Variants in INVS observed in about 807,000 individuals in gnomAD.
INVS encodes the protein inversion of embryo turning homolog.
A neutral mutation model predicts 108.8 loss-of-function variants in INVS; 86 were observed. The observed-to-expected ratio is 0.79, with a 90% CI of 0.66 to 0.95. The LOEUF (loss-of-function observed/expected upper bound fraction) is 0.95, where lower values mean the gene tolerates loss of function less well. INVS is among the 40% of genes least tolerant of loss of function. INVS has a pLI of 0.00. For synonymous variants in INVS, 455 were observed against 473.5 expected (o/e 0.96, Z 0.51); for missense variants, 1,169 against 1,297.4 (o/e 0.90, Z 1.52).
chr9:100,113,261 GTTA>G (rs34439340), intron 2 of INVS, among the ~76,000 whole-genome samples: 70,373 of 151,728 alleles, frequency 0.46, 17,591 homozygotes, highest in East Asian at 0.9. Context: ...AAGGGCTTCT[GTTA>G]TTATATGTGT....
intron 10 of INVS, among the ~76,000 whole-genome samples, chr9:100,258,198 C>T (rs1244985731): frequency 6.6e-6 from 1 of 152,150 alleles, no homozygotes; most frequent in African/African-American, 2.4e-5. Context: ...ATCGAATTGG[C>T]TACTGAAGCT....
intron 2 of INVS, among the ~76,000 whole-genome samples, chr9:100,112,170 C>T (rs1057328686): frequency 6.6e-6 from 1 of 152,102 alleles, no homozygotes; most frequent in African/African-American, 2.4e-5. Context: ...CAGGGTTTTG[C>T]TATGTTGGCC....
intron 5 of INVS, among the ~76,000 whole-genome samples, chr9:100,238,790 G>T (rs1831772477): frequency 6.6e-6 from 1 of 152,066 alleles, no homozygotes; most frequent in South Asian, 2.1e-4. Context: ...GTTCTATTTG[G>T]TTCTTTTTCA....
In INVS at chr9:100,191,484, G is replaced by A. The variant is rs561935039; in HGVS notation, c.274-34578G>A. 1.6e-4 allele frequency among the ~76,000 whole-genome samples: 25 copies of A among 152,216 alleles called. 1 individual carries two copies. In the South Asian group the frequency reaches 5.0e-3, roughly 30 times the overall value. On this transcript the variant is annotated intron_variant, in intron 3 of 16. Transcript: ENST00000262457. ...TCTAGTCTATTGTTAAAACTTTCCT[G>A]TGCATTTTTTAATTCTCTAAATGTG...
chr9:100,254,917 T>C (rs918247274), intron 10 of INVS, among the ~76,000 whole-genome samples: 3 of 152,214 alleles, frequency 2.0e-5, no homozygotes, highest in Non-Finnish European at 4.4e-5. Context: ...TTTGGTTCCA[T>C]GTGAACTTTA....
intron 3 of INVS, among the ~76,000 whole-genome samples, chr9:100,203,795 T>A (rs1830600299): frequency 6.6e-6 from 1 of 152,102 alleles, no homozygotes; most frequent in Admixed American, 6.6e-5. Flanking sequence ...CCAAATCTTC[T>A]TTCTTAAAGT....
intron 3 of INVS, among the ~76,000 whole-genome samples, chr9:100,174,783 G>A (rs1005779291): frequency 4.6e-5 from 7 of 151,870 alleles, no homozygotes; most frequent in South Asian, 2.1e-4. Context: ...ATGGTGGTGC[G>A]TGCCTGTAAT....
At chr9:100,204,227 G>C (rs1444280621) in intron 3 of INVS, among the ~76,000 whole-genome samples, 5 of 152,176 alleles carry the variant, frequency 3.3e-5, no homozygotes, top group Non-Finnish European at 7.4e-5. Context: ...TAACTAGTTA[G>C]AGCCAGGACT....
chr9:100,194,419 GTTC>G (rs926517655), intron 3 of INVS, among the ~76,000 whole-genome samples: 3 of 151,930 alleles, frequency 2.0e-5, no homozygotes, highest in African/African-American at 7.3e-5. Flanking sequence ...ACTTGCTAAA[GTTC>G]TTCATTCATT....
intron 3 of INVS, among the ~76,000 whole-genome samples, chr9:100,136,354 T>A (rs1410069802): frequency 6.6e-6 from 1 of 152,222 alleles, no homozygotes; most frequent in Non-Finnish European, 1.5e-5. Flanking sequence ...TATTAATTCA[T>A]AAACTTGTTT....
chr9:100,139,764 C>T (rs566615388), intron 3 of INVS, among the ~76,000 whole-genome samples: 2 of 152,202 alleles, frequency 1.3e-5, no homozygotes, highest in Admixed American at 1.3e-4. Flanking sequence ...TGCCTCAGCC[C>T]CCAAGTAGCT....
intron 14 of INVS, among the ~76,000 whole-genome samples, chr9:100,294,293 G>T (rs1040624563): frequency 1.3e-5 from 2 of 152,134 alleles, no homozygotes; most frequent in African/African-American, 4.8e-5. Context: ...CCCGTCAGGA[G>T]AAAAAGGAAG....
chr9:100,252,495 T>C (rs1368360377), intron 9 of INVS, 57 bp downstream of exon 9: 1 of 1,486,000 alleles, frequency 6.7e-7, no homozygotes, highest in Non-Finnish European at 9.4e-7. Context: ...AATTCTTGCA[T>C]ACTCTGTTTA....
At position 100,132,966 on chromosome 9, in the gene INVS, G is replaced by A. The variant is rs545105670; in HGVS notation, c.273+6417G>A. Among the ~76,000 whole-genome samples the A allele has an allele frequency of 1.4e-4, 22 of 152,168 alleles. No homozygotes were observed. In the South Asian group the frequency reaches 1.9e-3, roughly 13 times the overall value. ...CTAAAAATACAAAACTTAGCTGGGC[G>A]TGATGGTGCGTGCCTATAATCCCAG... On this transcript the variant is annotated intron_variant, in intron 3 of 16. Coordinates refer to ENST00000262457, the MANE Select transcript of INVS (RefSeq NM_014425.5).
At chr9:100,156,133 G>A (rs973291311) in intron 3 of INVS, among the ~76,000 whole-genome samples, 4 of 152,094 alleles carry the variant, frequency 2.6e-5, no homozygotes, top group African/African-American at 4.8e-5. Flanking sequence ...AAAGCCTACT[G>A]GAGTCATGTC....
At chr9:100,150,705 C>T (rs1828782264) in intron 3 of INVS, among the ~76,000 whole-genome samples, 1 of 152,082 alleles carries the variant, frequency 6.6e-6, no homozygotes, top group African/African-American at 2.4e-5. Flanking sequence ...GTTTATGACT[C>T]ATAAAAGGAT....
intron 4 of INVS, among the ~76,000 whole-genome samples, chr9:100,229,378 G>A (rs565981078): frequency 6.6e-6 from 1 of 152,142 alleles, no homozygotes; most frequent in South Asian, 2.1e-4. Flanking sequence ...AACAAAGGAA[G>A]GATTTGTGTC....
At chr9:100,271,251 A>G (rs932544373) in intron 11 of INVS, among the ~76,000 whole-genome samples, 1 of 152,210 alleles carries the variant, frequency 6.6e-6, no homozygotes, top group East Asian at 1.9e-4. Flanking sequence ...ACATGCCATA[A>G]TAACTCCTGT....
chr9:100,188,960 T>C (rs1391280547), intron 3 of INVS, among the ~76,000 whole-genome samples: 2 of 152,110 alleles, frequency 1.3e-5, no homozygotes, highest in Non-Finnish European at 2.9e-5. Flanking sequence ...CCATTTCCTC[T>C]AGATTTCCTA....
Sources: gnomAD v4.1 joint callset for allele counts (sites outside exome capture counted in the v4.1 genomes callset) on GRCh38, gnomAD v4.1.1 for gene constraint, MANE v1.5 for transcripts, NCBI Gene and HGNC (gene_info 2026-07-23, HGNC 2026-07-21) for gene names.